The following GPC5 variants were observed in gnomAD, a reference collection of about 807,000 sequenced individuals.
GPC5 encodes the protein glypican-5.
A neutral mutation model predicts 53.9 loss-of-function variants in GPC5; 47 were observed. That is an observed-to-expected ratio of 0.87 (90% CI 0.69 to 1.11). The LOEUF is 1.11. Among genes scored for constraint, GPC5 ranks in the 50% most tolerant of loss-of-function variants. The pLI is 0.00. For synonymous variants in GPC5, 286 were observed against 263.3 expected (o/e 1.09, Z -0.84); for missense variants, 748 against 713.1 (o/e 1.05, Z -0.56).
chr13:92,008,219 C>T (rs1009689460), intron 6 of GPC5, among the ~76,000 whole-genome samples: 14 of 151,900 alleles, frequency 9.2e-5, no homozygotes, highest in Non-Finnish European at 1.8e-4. Flanking sequence ...CCCGCTACCA[C>T]GCCCGGCTAA....
chr13:91,559,571 A>G (rs2031143829), intron 2 of GPC5, among the ~76,000 whole-genome samples: 1 of 152,188 alleles, frequency 6.6e-6, no homozygotes, highest in Non-Finnish European at 1.5e-5. Context: ...CTAATTGGGA[A>G]AGAATAGAAT....
intron 7 of GPC5, among the ~76,000 whole-genome samples, chr13:92,215,723 C>T (rs57761359): frequency 0.039 from 5,926 of 152,206 alleles, 396 homozygotes; most frequent in African/African-American, 0.13. Context: ...TCCTGGGGCT[C>T]TAATGTGCTC....
intron 2 of GPC5, among the ~76,000 whole-genome samples, chr13:91,642,181 A>G (rs1425546112): frequency 6.6e-6 from 1 of 152,228 alleles, no homozygotes; most frequent in Non-Finnish European, 1.5e-5. Flanking sequence ...CAGTGTATAG[A>G]TTAGACCTCT....
intron 6 of GPC5, among the ~76,000 whole-genome samples, chr13:92,057,284 G>T (rs2138847268): frequency 6.9e-6 from 1 of 144,644 alleles, no homozygotes; most frequent in South Asian, 2.4e-4. Context: ...ACAGAAATGT[G>T]GAAAACAAAA....
At chr13:92,033,366 G>A (rs991976170) in intron 6 of GPC5, among the ~76,000 whole-genome samples, 19 of 152,026 alleles carry the variant, frequency 1.2e-4, no homozygotes, top group Non-Finnish European at 1.5e-5. Context: ...GTGTCATGAG[G>A]TTCAAGAAAT....
At chr13:92,745,547 C>G (rs193101908) in intron 7 of GPC5, among the ~76,000 whole-genome samples, 208 of 152,242 alleles carry the variant, frequency 1.4e-3, no homozygotes, top group African/African-American at 4.8e-3. Context: ...CAGCTTGCTA[C>G]TCCAGATGGC....
rs369570134 is a variant in GPC5 at position 92,618,835 on chromosome 13, A to G, written c.1562-247447A>G. 4.7e-4 allele frequency among the ~76,000 whole-genome samples: 72 copies of G among 152,090 alleles called. 1 individual carries two copies. The highest frequency in any genetic ancestry group is 3.4e-3 in the Middle Eastern group (1 of 290). ...GGCAATGTGTATGTCCCTATAAAGTATTAATCTCTTATCACATTAATAAGA... is the reference window on the plus strand; with the variant it reads ...GGCAATGTGTATGTCCCTATAAAGTGTTAATCTCTTATCACATTAATAAGA... On this transcript the variant is annotated intron_variant, in intron 7 of 7. Transcript: ENST00000377067.
At chr13:91,555,763 C>T (rs186454499) in intron 2 of GPC5, among the ~76,000 whole-genome samples, 1 of 152,146 alleles carries the variant, frequency 6.6e-6, no homozygotes, top group Non-Finnish European at 1.5e-5. Context: ...GGAGCAAAGT[C>T]ACATCTTACC....
At chr13:91,666,599 A>G (rs905316936) in intron 2 of GPC5, among the ~76,000 whole-genome samples, 65 of 152,186 alleles carry the variant, frequency 4.3e-4, no homozygotes, top group Admixed American at 1.3e-4. Flanking sequence ...TTTCAATTCA[A>G]TATGATATGT....
At chr13:92,038,677 G>T (rs1205305118) in intron 6 of GPC5, among the ~76,000 whole-genome samples, 1 of 34,084 alleles carries the variant, frequency 2.9e-5, no homozygotes, top group Admixed American at 3.0e-4. Context: ...AATCTATATA[G>T]ATAGATAGAT....
intron 2 of GPC5, among the ~76,000 whole-genome samples, chr13:91,657,079 G>A (rs975301416): frequency 2.6e-5 from 4 of 152,128 alleles, no homozygotes; most frequent in African/African-American, 9.7e-5. Context: ...GTGCTGAGAA[G>A]CCATGGAATG....
intron 2 of GPC5, among the ~76,000 whole-genome samples, chr13:91,516,395 G>T (rs1356981345): frequency 6.6e-6 from 1 of 152,180 alleles, no homozygotes; most frequent in Non-Finnish European, 1.5e-5. Context: ...CCAAAATCCT[G>T]TGGGGCAGTC....
At chr13:92,311,384 T>G (rs2043143958) in intron 7 of GPC5, among the ~76,000 whole-genome samples, 2 of 152,150 alleles carry the variant, frequency 1.3e-5, no homozygotes, top group East Asian at 1.9e-4. Flanking sequence ...ATTTAACAAC[T>G]ACATACATTA....
At chr13:92,650,064 C>G (rs950614648) in intron 7 of GPC5, among the ~76,000 whole-genome samples, 1 of 152,108 alleles carries the variant, frequency 6.6e-6, no homozygotes, top group Admixed American at 6.6e-5. Context: ...CATAAGTTCA[C>G]CTGTAAGATT....
At chr13:92,615,417 T>C (rs1392594921) in intron 7 of GPC5, among the ~76,000 whole-genome samples, 3 of 152,186 alleles carry the variant, frequency 2.0e-5, no homozygotes, top group African/African-American at 7.2e-5. Context: ...CCCCCATTTC[T>C]ATAGAACATG....
chr13:92,285,104 A>C (rs923952541), intron 7 of GPC5, among the ~76,000 whole-genome samples: 10 of 152,178 alleles, frequency 6.6e-5, no homozygotes, highest in Non-Finnish European at 1.5e-4. Context: ...AATAACAGAC[A>C]AACAGAGCCA....
At chr13:91,828,831 C>G (rs1381525528) in intron 5 of GPC5, among the ~76,000 whole-genome samples, 1 of 151,882 alleles carries the variant, frequency 6.6e-6, no homozygotes. Context: ...GGAAGCTCTT[C>G]CTTGCAATAA....
rs79331739 is a variant in GPC5, at chr13:92,296,016, T to C, written c.1561+151027T>C. Among the ~76,000 whole-genome samples, 1,478 of 152,276 alleles carry C rather than the reference T, an allele frequency of 9.7e-3. 18 individuals are homozygous for C. The highest frequency in any genetic ancestry group is 0.033 in the African/African-American group (1,378 of 41,560). ...TCATGCTATTTGTTGCCTGTGTACC[T>C]TGGTTTTTTGTTTTTTAAGTTGTAT... On this transcript the variant is annotated intron_variant, in intron 7 of 7. Coordinates refer to ENST00000377067, the MANE Select transcript of GPC5 (RefSeq NM_004466.6).
At chr13:92,821,746 G>T (rs1253895970) in intron 7 of GPC5, among the ~76,000 whole-genome samples, 1 of 152,100 alleles carries the variant, frequency 6.6e-6, no homozygotes, top group African/African-American at 2.4e-5. Flanking sequence ...TTTAAATAAA[G>T]AGTTCTATAT....
Sources: allele counts gnomAD v4.1 joint callset (sites outside exome capture counted in the v4.1 genomes callset), GRCh38; gene constraint gnomAD v4.1.1; transcripts MANE v1.5; gene names NCBI Gene and HGNC (gene_info 2026-07-23, HGNC 2026-07-21).